The following THSD7A variants were observed in gnomAD, a reference collection of about 807,000 sequenced individuals.
THSD7A encodes thrombospondin type 1 domain containing 7A.
A neutral mutation model predicts 231.3 loss-of-function variants in THSD7A; 96 were observed. The ratio of observed to expected loss-of-function variants is 0.41; its 90% CI spans 0.35 to 0.49. The LOEUF is 0.49. Ranked by LOEUF, THSD7A falls within the 20% of genes least tolerant of loss-of-function variation. THSD7A has a pLI of 0.05. For synonymous variants in THSD7A, 940 were observed against 743.3 expected (o/e 1.26, Z -4.30); for missense variants, 2,290 against 2,070.2 (o/e 1.11, Z -2.06).
chr7:11,721,450 CT>C (rs1236672856), intron 1 of THSD7A, among the ~76,000 whole-genome samples: 1 of 151,852 alleles, frequency 6.6e-6, no homozygotes, highest in Non-Finnish European at 1.5e-5. Flanking sequence ...CCTGCTGCCC[CT>C]TTGCCTTCTG....
At chr7:11,543,971 G>GTATAATATCTGTCTATCTATCTA (rs1789261960) in intron 4 of THSD7A, among the ~76,000 whole-genome samples, 1 of 152,044 alleles carries the variant, frequency 6.6e-6, no homozygotes, top group Admixed American at 6.5e-5. Flanking sequence ...AAGTTTAGCT[G>GTATAATATCTGTCTATCTATCTA]TATAATATCT....
At position 11,446,199 on chromosome 7, in the gene THSD7A, C is replaced by T; in HGVS notation, c.2926G>A (p.Glu976Lys). The T allele has an allele frequency of 6.2e-7, 1 of 1,613,530 alleles. No homozygotes were observed. The highest frequency in any genetic ancestry group is 8.5e-7 in the Non-Finnish European group (1 of 1,179,632). Residue 976 changes from glutamate (E) to lysine (K), a missense_variant, in exon 13 of 28, where the codon GAG becomes AAG. By Grantham distance (56) the Glu-to-Lys change is moderately conservative. Transcript: ENST00000423059. The surrounding 1 kb of genome is among the most constrained non-coding windows in gnomAD (Gnocchi z 4.0). ...VGNWSDCILP[E>K]GKVEVLLGMK... ...CCCAGCAACACTTCCACTTTTCCCT[C>T]TGGTAAAATACAGTCTGACCAGTTC...
intron 2 of THSD7A, among the ~76,000 whole-genome samples, chr7:11,624,229 A>C (rs1379033990): frequency 6.6e-6 from 1 of 152,114 alleles, no homozygotes; most frequent in Admixed American, 6.6e-5. Context: ...TTCTTGGATT[A>C]TAACCACGAC....
intron 4 of THSD7A, among the ~76,000 whole-genome samples, chr7:11,566,937 A>G (rs1299249366): frequency 1.4e-4 from 14 of 96,678 alleles, no homozygotes; most frequent in Non-Finnish European, 8.0e-5. Flanking sequence ...ACCGCATCTC[A>G]GGCAAAGTGG....
At position 11,388,714 on chromosome 7, in the gene THSD7A, T is replaced by C. The variant is rs913056575; in HGVS notation, c.4412-6098A>G. On this transcript the variant is annotated intron_variant, in intron 23 of 27. Transcript: ENST00000423059. Reference sequence around the variant, plus strand: ...CCTTCAGTTCTGCTAGCTTTTGAATTTGTTTGCTCTTACTTCTCTAGCACT... The same window carrying C: ...CCTTCAGTTCTGCTAGCTTTTGAATCTGTTTGCTCTTACTTCTCTAGCACT... Among the ~76,000 whole-genome samples, 4 of 151,976 alleles carry C rather than the reference T, an allele frequency of 2.6e-5. No individual in the cohort carries two copies. In the South Asian group the frequency reaches 8.3e-4, roughly 32 times the overall value.
At chr7:11,641,416 T>G (rs1422909539) in intron 1 of THSD7A, among the ~76,000 whole-genome samples, 1 of 152,136 alleles carries the variant, frequency 6.6e-6, no homozygotes, top group Non-Finnish European at 1.5e-5. Context: ...AATAAAGAGA[T>G]TGAATTCAAG....
chr7:11,564,419 G>A (rs1321578515), intron 4 of THSD7A, among the ~76,000 whole-genome samples: 1 of 152,174 alleles, frequency 6.6e-6, no homozygotes, highest in African/African-American at 2.4e-5. Context: ...CAAGTTAGGA[G>A]GATATTTGAG....
chr7:11,452,273 G>T (rs1206087314), intron 11 of THSD7A, among the ~76,000 whole-genome samples: 1 of 151,996 alleles, frequency 6.6e-6, no homozygotes, highest in Non-Finnish European at 1.5e-5. Context: ...GTGTGAGCTA[G>T]TTACCAAGAG....
At chr7:11,439,415 G>T (rs1784733872) in intron 13 of THSD7A, among the ~76,000 whole-genome samples, 1 of 151,772 alleles carries the variant, frequency 6.6e-6, no homozygotes, top group African/African-American at 2.4e-5. Context: ...GTCACATTTT[G>T]GTAATTCTTG....
intron 1 of THSD7A, among the ~76,000 whole-genome samples, chr7:11,638,459 A>G (rs1781953430): frequency 6.6e-6 from 1 of 152,212 alleles, no homozygotes; most frequent in Non-Finnish European, 1.5e-5. Context: ...TATTTAATCT[A>G]AACATTTAAT....
At chr7:11,810,545 C>A (rs941219159) in intron 1 of THSD7A, among the ~76,000 whole-genome samples, 5 of 152,160 alleles carry the variant, frequency 3.3e-5, no homozygotes, top group Non-Finnish European at 5.9e-5. Context: ...GCTTAGAGGG[C>A]ACCACCCCAA....
intron 2 of THSD7A, among the ~76,000 whole-genome samples, chr7:11,620,767 G>A (rs1305333099): frequency 6.6e-6 from 1 of 152,140 alleles, no homozygotes; most frequent in Non-Finnish European, 1.5e-5. Flanking sequence ...CACAACCGAA[G>A]CACTTCATTT....
chr7:11,479,072 G>C (rs1247499478), intron 7 of THSD7A, among the ~76,000 whole-genome samples: 1 of 152,130 alleles, frequency 6.6e-6, no homozygotes, highest in East Asian at 1.9e-4. Context: ...TCTTCATATG[G>C]TGATGCAATA....
At chr7:11,815,957 C>T (rs768738746) in intron 1 of THSD7A, among the ~76,000 whole-genome samples, 13 of 152,098 alleles carry the variant, frequency 8.5e-5, no homozygotes, top group African/African-American at 2.9e-4. Context: ...ACAACTGTTC[C>T]TTCTCTGCCT....
chr7:11,704,274 T>C (rs1282029810), intron 1 of THSD7A, among the ~76,000 whole-genome samples: 2 of 151,116 alleles, frequency 1.3e-5, no homozygotes, highest in African/African-American at 2.4e-5. Context: ...CATTTTCATA[T>C]TGAATAGGGA....
chr7:11,408,654 C>T lies in THSD7A; in HGVS notation c.3799-1231G>A, dbSNP rs144469280. Among the ~76,000 whole-genome samples the T allele has an allele frequency of 1.3e-3, 194 of 152,080 alleles. 2 individuals are homozygous for T. Among genetic ancestry groups the T allele is most frequent in the Middle Eastern group, 6.8e-3 (2 of 294 alleles). ...AGAAGTTTATATTTTCTAATTTATA[C>T]AGCAGATAATGGCAAAAATTTATTT... is the stretch of plus-strand genomic sequence containing the variant. On this transcript the variant is annotated intron_variant, in intron 19 of 27. Coordinates refer to ENST00000423059, the MANE Select transcript of THSD7A (RefSeq NM_015204.3).
chr7:11,379,142 C>T lies in THSD7A; in HGVS notation c.4729G>A (p.Val1577Ile), dbSNP rs369280677. 2.4e-5 allele frequency: 39 copies of T among 1,613,496 alleles called. No individual in the cohort carries two copies. The highest frequency in any genetic ancestry group is 2.8e-5 in the Non-Finnish European group (33 of 1,179,690). The change falls in exon 26 of 28, where the codon GTA (valine) becomes ATA (isoleucine). Residue 1577 changes from valine to isoleucine, a missense_variant. Val to Ile is a conservative substitution (Grantham distance 29, BLOSUM62 3). Transcript: ENST00000423059. ...KRGDVKTSRA[V>I]HPTQPSSNPA... is the part of the protein sequence containing the mutation. ...TTACTGGAGGGTTGGGTTGGATGTA[C>T]AGCCCGACTGGTTTTCACATCTCCT...
chr7:11,471,419 C>T (rs540601924), intron 8 of THSD7A, among the ~76,000 whole-genome samples: 61 of 152,062 alleles, frequency 4.0e-4, no homozygotes, highest in East Asian at 1.9e-3. Context: ...AAGTCAACAT[C>T]ATTAATCTAT....
At chr7:11,420,764 C>G (rs999353139) in intron 16 of THSD7A, among the ~76,000 whole-genome samples, 2 of 152,214 alleles carry the variant, frequency 1.3e-5, no homozygotes, top group African/African-American at 4.8e-5. Context: ...ATGAAAGCAG[C>G]CTTGGGGGCT....
Sources: gnomAD v4.1 joint callset for allele counts (sites outside exome capture counted in the v4.1 genomes callset) on GRCh38, gnomAD v4.1.1 for gene constraint, Gnocchi (gnomAD v3.1) non-coding constraint, MANE v1.5 for transcripts, NCBI Gene and HGNC (gene_info 2026-07-23, HGNC 2026-07-21) for gene names.